The following BRINP3 variants were observed in gnomAD, a reference collection of about 807,000 sequenced individuals.
The protein encoded by BRINP3 is BMP/retinoic acid inducible neural specific 3.
BRINP3 carries 19 observed loss-of-function variants against 71.0 expected under a neutral mutation model. The ratio of observed to expected loss-of-function variants is 0.27; its 90% CI spans 0.19 to 0.39. The LOEUF (loss-of-function observed/expected upper bound fraction) is 0.39, where lower values mean the gene tolerates loss of function less well. Among genes scored for constraint, BRINP3 ranks in the 10% least tolerant of loss-of-function variants. The pLI, the probability that BRINP3 is intolerant of heterozygous loss-of-function variation, is 1.00. For synonymous variants in BRINP3, 380 were observed against 337.7 expected (o/e 1.13, Z -1.37); for missense variants, 959 against 940.8 (o/e 1.02, Z -0.25).
chr1:190,210,386 T>A (rs1558068356), intron 6 of BRINP3, among the ~76,000 whole-genome samples: 1 of 152,110 alleles, frequency 6.6e-6, no homozygotes, highest in African/African-American at 2.4e-5. Context: ...GATTTTATGA[T>A]GCTGAATCAA....
chr1:190,277,078 A>C (rs1216246587), intron 3 of BRINP3, among the ~76,000 whole-genome samples: 5 of 21,504 alleles, frequency 2.3e-4, no homozygotes, highest in African/African-American at 4.5e-4. Flanking sequence ...CCTGAAATAA[A>C]TTTTGGTTTT....
At position 190,104,738 on chromosome 1, in the gene BRINP3, C is replaced by T. The variant is rs116290040; in HGVS notation, c.1185-5604G>A. 9.6e-3 allele frequency among the ~76,000 whole-genome samples: 1,463 copies of T among 152,034 alleles called. 20 individuals are homozygous for T. The highest frequency in any genetic ancestry group is 0.011 in the Non-Finnish European group (763 of 67,950). ...CAGGACAGACATTCTAGATGTGTAA[C>T]GCTTTTCACTGAAGTATTAGAACAT... On this transcript the variant is annotated intron_variant, in intron 7 of 7. Transcript: ENST00000367462.
intron 6 of BRINP3, among the ~76,000 whole-genome samples, chr1:190,165,851 C>T (rs1651487449): frequency 6.6e-6 from 1 of 151,998 alleles, no homozygotes; most frequent in South Asian, 2.1e-4. Flanking sequence ...AGAGAAATTC[C>T]AGACAGTGTC....
At chr1:190,407,664 ATTAAC>A (rs756125369) in intron 2 of BRINP3, among the ~76,000 whole-genome samples, 4 of 152,208 alleles carry the variant, frequency 2.6e-5, no homozygotes, top group Admixed American at 1.3e-4. Flanking sequence ...ATATATTAAC[ATTAAC>A]TTAACCTCTT....
chr1:190,299,605 C>T (rs998092319), intron 2 of BRINP3, among the ~76,000 whole-genome samples: 1 of 123,956 alleles, frequency 8.1e-6, no homozygotes, highest in Non-Finnish European at 1.6e-5. Context: ...CACAACAGTC[C>T]CCAGAGTGTG....
chr1:190,442,061 C>T (rs1674860157), intron 2 of BRINP3, among the ~76,000 whole-genome samples: 1 of 151,978 alleles, frequency 6.6e-6, no homozygotes, highest in Non-Finnish European at 1.5e-5. Context: ...AAAAACAAAA[C>T]CCTAAATCCT....
At chr1:190,218,546 T>A (rs886513802) in intron 6 of BRINP3, among the ~76,000 whole-genome samples, 1 of 152,126 alleles carries the variant, frequency 6.6e-6, no homozygotes, top group Non-Finnish European at 1.5e-5. Flanking sequence ...AATTAACATA[T>A]CTACCACCTC....
intron 2 of BRINP3, among the ~76,000 whole-genome samples, chr1:190,412,648 G>A (rs940518129): frequency 2.0e-5 from 3 of 150,644 alleles, no homozygotes; most frequent in African/African-American, 7.3e-5. Flanking sequence ...ATTTTTAGTA[G>A]AGACGGGGTT....
chr1:190,349,698 T>G (rs1046444400), intron 2 of BRINP3, among the ~76,000 whole-genome samples: 2 of 152,128 alleles, frequency 1.3e-5, no homozygotes, highest in African/African-American at 4.8e-5. Context: ...CAGAAGCATG[T>G]GACACCATTT....
chr1:190,355,299 A>G (rs1426824597), intron 2 of BRINP3, among the ~76,000 whole-genome samples: 1 of 151,904 alleles, frequency 6.6e-6, no homozygotes, highest in Non-Finnish European at 1.5e-5. Context: ...AGAATCACTT[A>G]CAAAATTGCC....
chr1:190,415,012 T>C lies in BRINP3; in HGVS notation c.236+39643A>G, dbSNP rs141387357. Among the ~76,000 whole-genome samples, 495 of 152,332 alleles carry C rather than the reference T, an allele frequency of 3.2e-3. 7 individuals are homozygous for C. The highest frequency in any genetic ancestry group is 0.011 in the African/African-American group (463 of 41,572). On this transcript the variant is annotated intron_variant, in intron 2 of 7. Coordinates refer to ENST00000367462, the MANE Select transcript of BRINP3 (RefSeq NM_199051.3). Reference sequence around the variant, plus strand: ...AAATAGATTAATTAACTATTTTAAGTGCTTAGTTAAAAATGTATTCAATTT... The same window carrying C: ...AAATAGATTAATTAACTATTTTAAGCGCTTAGTTAAAAATGTATTCAATTT...
intron 6 of BRINP3, chr1:190,217,083 A>G (rs920887667): frequency 6.6e-6 from 1 of 151,960 alleles, no homozygotes; most frequent in Non-Finnish European, 1.5e-5. Flanking sequence ...GCCTGTAGAT[A>G]AGAATAGACA....
intron 2 of BRINP3, among the ~76,000 whole-genome samples, chr1:190,292,443 C>G (rs1327905834): frequency 6.6e-6 from 1 of 152,022 alleles, no homozygotes; most frequent in East Asian, 1.9e-4. Flanking sequence ...TGCTTGGGCC[C>G]AGGAGTTCGA....
chr1:190,147,252 T>C (rs961346523), intron 7 of BRINP3, among the ~76,000 whole-genome samples: 1 of 152,132 alleles, frequency 6.6e-6, no homozygotes, highest in Non-Finnish European at 1.5e-5. Context: ...ATTTTCAAAT[T>C]ATGTAGATTC....
intron 2 of BRINP3, among the ~76,000 whole-genome samples, chr1:190,349,934 C>T (rs1479076814): frequency 6.6e-6 from 1 of 151,962 alleles, no homozygotes; most frequent in African/African-American, 2.4e-5. Context: ...CGAGAAAATG[C>T]TTTTTTAGTA....
intron 2 of BRINP3, among the ~76,000 whole-genome samples, chr1:190,377,741 G>C (rs1670274690): frequency 6.6e-6 from 1 of 151,430 alleles, no homozygotes; most frequent in Non-Finnish European, 1.5e-5. Flanking sequence ...CAGTAGCAAT[G>C]AAAAATCTGA....
chr1:190,227,496 A>C (rs2102707327), intron 5 of BRINP3, among the ~76,000 whole-genome samples: 1 of 151,992 alleles, frequency 6.6e-6, no homozygotes, highest in East Asian at 1.9e-4. Context: ...TGACTGAGAA[A>C]TTTATTTGTC....
rs1358621097 is a variant in BRINP3 at position 190,098,760 on chromosome 1, C to A, written c.1559G>T (p.Arg520Leu). Residue 520 changes from arginine (R) to leucine (L), a missense_variant, in exon 8 of 8, where the codon CGC becomes CTC. Transcript: ENST00000367462. ...GGAGGGATCAAACCAGCTATTGAGGCGCATGTCATTGCTGATAAAAATGGC... is the reference window on the plus strand; with the variant it reads ...GGAGGGATCAAACCAGCTATTGAGGAGCATGTCATTGCTGATAAAAATGGC... Reference protein sequence around the residue: ...VHAIFISNDMRLNSWFDPSWR... With the variant: ...VHAIFISNDMLLNSWFDPSWR... 6.2e-7 allele frequency: 1 copy of A among 1,614,148 alleles called. No individual in the cohort carries two copies. Among genetic ancestry groups the A allele is most frequent in the African/African-American group, 1.3e-5 (1 of 75,028 alleles).
intron 4 of BRINP3, among the ~76,000 whole-genome samples, chr1:190,248,513 C>T (rs1460994014): frequency 6.6e-6 from 1 of 151,720 alleles, no homozygotes; most frequent in African/African-American, 2.4e-5. Flanking sequence ...CTCTACTCTC[C>T]ACCTACCCAG....
Sources: gnomAD v4.1 joint callset for allele counts (sites outside exome capture counted in the v4.1 genomes callset) on GRCh38, gnomAD v4.1.1 for gene constraint, MANE v1.5 for transcripts, NCBI Gene and HGNC (gene_info 2026-07-23, HGNC 2026-07-21) for gene names.